Variants in RPAP2 observed in about 807,000 individuals in gnomAD.
The protein encoded by RPAP2 is RNA polymerase II associated protein 2, also known as putative RNA polymerase II subunit B1 CTD phosphatase RPAP2.
In RPAP2, 52 loss-of-function variants were observed where a neutral mutation model predicts 73.1. That is an observed-to-expected ratio of 0.71 (90% CI 0.57 to 0.90). The LOEUF is 0.90. Among genes scored for constraint, RPAP2 ranks in the 40% least tolerant of loss-of-function variants. RPAP2 has a pLI of 0.00. For synonymous variants in RPAP2, 225 were observed against 242.1 expected, an observed-to-expected ratio of 0.93 and a Z score of 0.65; for missense variants, 598 against 701.8, an observed-to-expected ratio of 0.85 and a Z score of 1.67.
chr1:92,369,123 G>C (rs1236176294), intron 11 of RPAP2, among the ~76,000 whole-genome samples: 1 of 152,144 alleles, frequency 6.6e-6, no homozygotes, highest in African/African-American at 2.4e-5. Context: ...ACTTTCAACA[G>C]AAATCTTTTG....
At chr1:92,385,705 G>A (rs1325178350) in intron 12 of RPAP2, among the ~76,000 whole-genome samples, 5 of 151,936 alleles carry the variant, frequency 3.3e-5, no homozygotes, top group African/African-American at 7.3e-5. Context: ...TTGTTATTGT[G>A]GTATATTAGT....
chr1:92,307,132 T>A (rs1248450866), intron 5 of RPAP2, 56 bp from the exon 6 acceptor site: 1 of 1,159,504 alleles, frequency 8.6e-7, no homozygotes, highest in African/African-American at 1.5e-5. Context: ...CTCTCAACTG[T>A]ATGTAGGTAA....
intron 10 of RPAP2, among the ~76,000 whole-genome samples, chr1:92,342,441 G>A (rs1356640348): frequency 6.6e-6 from 1 of 152,174 alleles, no homozygotes; most frequent in African/African-American, 2.4e-5. Flanking sequence ...GTGTAGTACA[G>A]ACTGTATAGG....
chr1:92,387,209 A>T lies in RPAP2; in HGVS notation c.*198A>T, dbSNP rs1359779938. 4 of 413,464 alleles carry T rather than the reference A, an allele frequency of 9.7e-6. No individual in the cohort carries two copies. Among genetic ancestry groups the T allele is most frequent in the Non-Finnish European group, 1.3e-5 (3 of 230,546 alleles). 25.6% of individuals were successfully genotyped at this position (413,464 alleles called of 1,614,324 possible). On this transcript the variant is annotated 3_prime_UTR_variant, in exon 13 of 13. Coordinates refer to ENST00000610020, the MANE Select transcript of RPAP2 (RefSeq NM_024813.3). Reference sequence around the variant, plus strand: ...TGACCTCCCCAGATAGAGGAGAATCATTACTCCAACAAGAATAACCAAGTC... The same window carrying T: ...TGACCTCCCCAGATAGAGGAGAATCTTTACTCCAACAAGAATAACCAAGTC...
At position 92,336,528 on chromosome 1, in the gene RPAP2, A is replaced by G. The variant is rs116527300; in HGVS notation, c.1619+101A>G. ...GAGAAAGTAAGTGACTTACCTTTCAATGTCACAGATCTAAATACAGTATTC... is the reference window on the plus strand; with the variant it reads ...GAGAAAGTAAGTGACTTACCTTTCAGTGTCACAGATCTAAATACAGTATTC... On this transcript the variant is annotated intron_variant, in intron 10 of 12. Coordinates refer to ENST00000610020, the MANE Select transcript of RPAP2 (RefSeq NM_024813.3). The G allele has an allele frequency of 1.4e-3, 1,084 of 749,490 alleles. 1 individual carries two copies. In the African/African-American group the frequency reaches 0.017, roughly 12 times the overall value. The allele number at this position is 749,490 out of a possible 1,614,324, so 46.4% of individuals were successfully genotyped here.
chr1:92,310,662 C>T (rs933738007), intron 6 of RPAP2, among the ~76,000 whole-genome samples: 6 of 152,044 alleles, frequency 3.9e-5, no homozygotes, highest in Non-Finnish European at 7.4e-5. Context: ...TTTGGGAGGC[C>T]GAGACTGGTG....
intron 8 of RPAP2, among the ~76,000 whole-genome samples, chr1:92,331,925 C>A (rs2101221317): frequency 6.6e-6 from 1 of 152,168 alleles, no homozygotes; most frequent in South Asian, 2.1e-4. Flanking sequence ...CAGTTATTTT[C>A]TTTCAGCCCA....
intron 6 of RPAP2, among the ~76,000 whole-genome samples, chr1:92,313,956 T>C (rs923398626): frequency 1.5e-4 from 23 of 152,210 alleles, no homozygotes; most frequent in African/African-American, 5.3e-4. Flanking sequence ...TGCAGCTTCC[T>C]CACCTCTCTC....
In RPAP2 at chr1:92,396,382, T is replaced by C. The variant is rs1571165567; in HGVS notation, c.*9371T>C. On this transcript the variant is annotated 3_prime_UTR_variant, in exon 13 of 13. Coordinates refer to ENST00000610020, the MANE Select transcript of RPAP2 (RefSeq NM_024813.3). ...AACTGGTGGATTTCTTTAAATGATA[T>C]ATGTATACAATGGAGTAGTGATATA... is the stretch of plus-strand genomic sequence containing the variant. The C allele has an allele frequency of 1.3e-5, 2 of 151,884 alleles. No individual in the cohort carries two copies. The highest frequency in any genetic ancestry group is 2.9e-5 in the Non-Finnish European group (2 of 67,996). The allele number at this position is 151,884 out of a possible 1,614,324, so 9.4% of individuals were successfully genotyped here. A position where few individuals can be genotyped will look rare whatever the true frequency, so the allele number is the denominator to read the frequency against.
chr1:92,380,899 G>T (rs776581931), intron 12 of RPAP2, 26 bp downstream of exon 12: 7 of 1,517,344 alleles, frequency 4.6e-6, no homozygotes, highest in South Asian at 2.6e-5. Context: ...TTTTATTTTG[G>T]TTTTTATTCT....
intron 6 of RPAP2, among the ~76,000 whole-genome samples, chr1:92,313,195 G>A (rs761325475): frequency 6.6e-6 from 1 of 152,150 alleles, no homozygotes; most frequent in Admixed American, 6.5e-5. Flanking sequence ...ATCTAGAATG[G>A]TGAATCCTTT....
intron 11 of RPAP2, among the ~76,000 whole-genome samples, chr1:92,362,688 T>C (rs1239419207): frequency 6.6e-6 from 1 of 152,206 alleles, no homozygotes; most frequent in Non-Finnish European, 1.5e-5. Flanking sequence ...TTACAGTAAT[T>C]GAATCTCCAG....
chr1:92,372,510 C>T (rs1007636659), intron 11 of RPAP2, among the ~76,000 whole-genome samples: 2 of 152,208 alleles, frequency 1.3e-5, no homozygotes, highest in Non-Finnish European at 2.9e-5. Context: ...ATTTAAAGCT[C>T]ATCTCACACC....
At chr1:92,379,395 G>T (rs559397187) in intron 11 of RPAP2, among the ~76,000 whole-genome samples, 2 of 152,038 alleles carry the variant, frequency 1.3e-5, no homozygotes, top group Admixed American at 1.3e-4. Flanking sequence ...ACTCTCTAGA[G>T]AAAAAAATAT....
At chr1:92,300,322 C>T in intron 2 of RPAP2, 83 bp downstream of exon 2, 1 of 1,095,342 alleles carries the variant, frequency 9.1e-7, no homozygotes, top group Non-Finnish European at 1.3e-6. Flanking sequence ...ATAATGGTTA[C>T]CTTTTTTTTT....
At chr1:92,362,564 A>G (rs1478929627) in intron 11 of RPAP2, among the ~76,000 whole-genome samples, 1 of 152,208 alleles carries the variant, frequency 6.6e-6, no homozygotes, top group Non-Finnish European at 1.5e-5. Context: ...AGATGGGAAC[A>G]TATCAGAATA....
rs761220542 is a variant in RPAP2, at chr1:92,333,468, T to G, written c.1533T>G (p.Ser511Arg). 5.6e-6 allele frequency: 9 copies of G among 1,609,878 alleles called. No individual in the cohort carries two copies. The Middle Eastern group carries it at 4.9e-4, about 88-fold the overall frequency. ...AACGCATCGTACTTGAAAAGTTGAG[T>G]AAAGTGTAAGTATGTAATTGCCATT... ...IRKRIVLEKLSKVLPGLLVPL... is the reference protein window; with the variant it reads ...IRKRIVLEKLRKVLPGLLVPL... The change falls in exon 9 of 13, where the codon AGT becomes AGG. Residue 511 changes from serine (S) to arginine (R), a missense_variant. This residue lies in a region of RPAP2 where 506 missense variants were observed against 612.8 expected (regional missense o/e 0.83). Coordinates refer to ENST00000610020, the MANE Select transcript of RPAP2 (RefSeq NM_024813.3).
At chr1:92,374,182 A>G (rs552246753) in intron 11 of RPAP2, among the ~76,000 whole-genome samples, 1 of 152,304 alleles carries the variant, frequency 6.6e-6, no homozygotes, top group Admixed American at 6.5e-5. Context: ...AAGAGAGATT[A>G]TAAAGAATCA....
intron 11 of RPAP2, among the ~76,000 whole-genome samples, chr1:92,357,845 C>A (rs528717518): frequency 6.6e-6 from 1 of 152,334 alleles, no homozygotes; most frequent in East Asian, 1.9e-4. Context: ...GAGATAAATT[C>A]TTTAATGGCA....
Sources: allele counts gnomAD v4.1 joint callset (sites outside exome capture counted in the v4.1 genomes callset), GRCh38; gene constraint gnomAD v4.1.1; regional missense constraint gnomAD v4.1.1; transcripts MANE v1.5; gene names NCBI Gene and HGNC (gene_info 2026-07-23, HGNC 2026-07-21).